Variants in ADAMTS18 observed in about 807,000 individuals in gnomAD.
ADAMTS18 encodes ADAM metallopeptidase with thrombospondin type 1 motif 18.
ADAMTS18 carries 157 observed loss-of-function variants against 165.9 expected under a neutral mutation model. The ratio of observed to expected loss-of-function variants is 0.95; its 90% CI spans 0.83 to 1.08. ADAMTS18 has a LOEUF of 1.08. Among genes scored for constraint, ADAMTS18 ranks in the 50% least tolerant of loss-of-function variants. ADAMTS18 has a pLI of 0.00. For missense variants in ADAMTS18, 2,040 were observed against 1,534.0 expected (o/e 1.33, Z -5.51); for synonymous variants, 782 against 578.2 (o/e 1.35, Z -5.06).
chr16:77,341,753 T>A lies in ADAMTS18; in HGVS notation c.1661A>T (p.Glu554Val). 1 of 1,613,690 alleles carries A rather than the reference T, an allele frequency of 6.2e-7. No individual in the cohort carries two copies. The highest frequency in any genetic ancestry group is 1.1e-5 in the South Asian group (1 of 90,972). Reference protein sequence around the residue: ...LWCHRVGHRCETKFMPAAEGT... With the variant: ...LWCHRVGHRCVTKFMPAAEGT... ...TTCTGCTGCGGGCATAAACTTGGTCTCACACCTGTGGCCTACTCGGTGGCA... is the reference window on the plus strand; with the variant it reads ...TTCTGCTGCGGGCATAAACTTGGTCACACACCTGTGGCCTACTCGGTGGCA... Residue 554 changes from glutamate (E) to valine (V), a missense_variant, in exon 11 of 23, where the codon GAG (glutamate) becomes GTG (valine). Physicochemically the swap from Glu to Val is moderately radical, Grantham distance 121. Transcript: ENST00000282849.
intron 13 of ADAMTS18, among the ~76,000 whole-genome samples, chr16:77,324,350 T>C (rs1013441758): frequency 9.9e-5 from 15 of 152,254 alleles, no homozygotes; most frequent in Non-Finnish European, 1.8e-4. Context: ...CAGCTCCTGG[T>C]AGAATGCCTC....
At chr16:77,364,490 C>T (rs1247769580) in intron 4 of ADAMTS18, 109 bp from the exon 5 acceptor site, 6 of 1,134,666 alleles carry the variant, frequency 5.3e-6, no homozygotes, top group Middle Eastern at 2.7e-4. Flanking sequence ...AACCAACACA[C>T]CACCAATCCA....
At position 77,424,337 on chromosome 16, in the gene ADAMTS18, G is replaced by A. The variant is rs193200559; in HGVS notation, c.495+6958C>T. Among the ~76,000 whole-genome samples the A allele has an allele frequency of 7.8e-4, 118 of 152,254 alleles. 2 individuals are homozygous for A. Among genetic ancestry groups the A allele is most frequent in the Non-Finnish European group, 2.9e-5 (2 of 68,024 alleles). ...TACAAAATTAGCCGGACATGGCAGT[G>A]CATGCCTGTAATCCTAGCTACTCAG... On this transcript the variant is annotated intron_variant, in intron 3 of 22. Transcript: ENST00000282849.
intron 3 of ADAMTS18, among the ~76,000 whole-genome samples, chr16:77,375,651 AT>A: frequency 6.6e-6 from 1 of 152,238 alleles, no homozygotes; most frequent in Non-Finnish European, 1.5e-5. Context: ...TAAGAAGGAG[AT>A]GGACTGGGGA....
At chr16:77,334,031 AATATATGCTATATATAATATACAGTGCT>A (rs1555514050) in intron 12 of ADAMTS18, among the ~76,000 whole-genome samples, 2 of 94,598 alleles carry the variant, frequency 2.1e-5, no homozygotes, top group South Asian at 6.4e-4. Context: ...TATACAGTGC[AATATATGCTATATATAATATACAGTGCT>A]ATATATGCTA....
intron 12 of ADAMTS18, among the ~76,000 whole-genome samples, chr16:77,328,894 A>G (rs1208911089): frequency 6.6e-6 from 1 of 152,216 alleles, no homozygotes; most frequent in Non-Finnish European, 1.5e-5. Flanking sequence ...AAGAGCTTAC[A>G]AAACTTGTTG....
chr16:77,329,095 A>C (rs991576764), intron 12 of ADAMTS18, among the ~76,000 whole-genome samples: 2 of 151,498 alleles, frequency 1.3e-5, no homozygotes, highest in Admixed American at 6.6e-5. Context: ...ACAATGAGGG[A>C]GATTCTCTCT....
chr16:77,390,054 T>C (rs1297417972), intron 3 of ADAMTS18, among the ~76,000 whole-genome samples: 1 of 152,182 alleles, frequency 6.6e-6, no homozygotes, highest in Non-Finnish European at 1.5e-5. Context: ...CTTTGAGCTT[T>C]ACCCTAAGAA....
chr16:77,428,567 C>A (rs981403232), intron 3 of ADAMTS18, among the ~76,000 whole-genome samples: 1 of 152,098 alleles, frequency 6.6e-6, no homozygotes, highest in African/African-American at 2.4e-5. Flanking sequence ...CTCTCATACA[C>A]TGGTGATGAG....
At chr16:77,342,449 T>G (rs1344521704) in intron 10 of ADAMTS18, among the ~76,000 whole-genome samples, 1 of 120,290 alleles carries the variant, frequency 8.3e-6, no homozygotes, top group East Asian at 5.3e-4. Flanking sequence ...GAGTGCTGTT[T>G]ATAGTTTATT....
At chr16:77,314,324 T>A (rs999802073) in intron 16 of ADAMTS18, among the ~76,000 whole-genome samples, 1 of 152,066 alleles carries the variant, frequency 6.6e-6, no homozygotes, top group Non-Finnish European at 1.5e-5. Context: ...TTTAATATTA[T>A]ACATGGCTGG....
intron 12 of ADAMTS18, among the ~76,000 whole-genome samples, chr16:77,326,493 C>T (rs2056097965): frequency 6.6e-6 from 1 of 152,162 alleles, no homozygotes; most frequent in African/African-American, 2.4e-5. Flanking sequence ...GGTTAGCCTC[C>T]TACCTCAGCC....
chr16:77,343,712 C>T (rs1196960245), intron 10 of ADAMTS18, among the ~76,000 whole-genome samples: 1 of 152,148 alleles, frequency 6.6e-6, no homozygotes, highest in Non-Finnish European at 1.5e-5. Flanking sequence ...CTCCAGGCCT[C>T]AGTTTTCTAG....
intron 2 of ADAMTS18, among the ~76,000 whole-genome samples, chr16:77,434,082 A>C (rs1032051809): frequency 3.9e-5 from 6 of 152,162 alleles, no homozygotes; most frequent in Non-Finnish European, 8.8e-5. Flanking sequence ...AAGAGTTAGG[A>C]GAGGGAGGAA....
chr16:77,358,535 C>A (rs547074788), intron 8 of ADAMTS18, among the ~76,000 whole-genome samples: 1 of 152,066 alleles, frequency 6.6e-6, no homozygotes, highest in Non-Finnish European at 1.5e-5. Context: ...GCACTCCAGC[C>A]GGGGCGACAG....
chr16:77,412,558 T>C (rs1409453986), intron 3 of ADAMTS18, among the ~76,000 whole-genome samples: 1 of 152,120 alleles, frequency 6.6e-6, no homozygotes, highest in African/African-American at 2.4e-5. Context: ...AATAAAGACA[T>C]ACCCAACACA....
chr16:77,420,951 T>C (rs1215517986), intron 3 of ADAMTS18, among the ~76,000 whole-genome samples: 1 of 152,200 alleles, frequency 6.6e-6, no homozygotes, highest in Non-Finnish European at 1.5e-5. Flanking sequence ...AGTACTCTGT[T>C]ATAGCAGAAC....
At chr16:77,375,425 A>G (rs866248926) in intron 3 of ADAMTS18, among the ~76,000 whole-genome samples, 21 of 152,314 alleles carry the variant, frequency 1.4e-4, no homozygotes, top group Admixed American at 9.8e-4. Flanking sequence ...AAGTTCCATG[A>G]GATAAAATAA....
chr16:77,311,298 AC>A (rs2144616666), intron 16 of ADAMTS18, among the ~76,000 whole-genome samples: 1 of 152,330 alleles, frequency 6.6e-6, no homozygotes, highest in South Asian at 2.1e-4. Flanking sequence ...GTAGGTTCCC[AC>A]AGTGATTTTA....
Sources: gnomAD v4.1 joint callset for allele counts (sites outside exome capture counted in the v4.1 genomes callset) on GRCh38, gnomAD v4.1.1 for gene constraint, MANE v1.5 for transcripts, NCBI Gene and HGNC (gene_info 2026-07-23, HGNC 2026-07-21) for gene names.